DUS2: variants seen among roughly 807,000 people sequenced by gnomAD.
DUS2 encodes the protein dihydrouridine synthase 2, also known as tRNA-dihydrouridine(20) synthase [NAD(P)+]-like.
Under a neutral mutation model 71.3 loss-of-function variants are expected in DUS2, and 52 were observed. The observed-to-expected ratio is 0.73, with a 90% CI of 0.58 to 0.92. DUS2 has a LOEUF of 0.92. Among genes scored for constraint, DUS2 ranks in the 40% least tolerant of loss-of-function variants. The pLI is 0.00. For missense variants in DUS2, 558 were observed against 622.6 expected, an observed-to-expected ratio of 0.90 and a Z score of 1.10; for synonymous variants, 204 against 227.8, an observed-to-expected ratio of 0.90 and a Z score of 0.94.
chr16:68,028,449 C>T (rs1336717880), intron 2 of DUS2, among the ~76,000 whole-genome samples: 2 of 151,986 alleles, frequency 1.3e-5, no homozygotes, highest in Non-Finnish European at 2.9e-5. Flanking sequence ...GTCTGGCCAA[C>T]ATGGTGAAAC....
chr16:68,039,001 C>G (rs1019007701), intron 3 of DUS2, among the ~76,000 whole-genome samples: 1 of 151,748 alleles, frequency 6.6e-6, no homozygotes, highest in African/African-American at 2.4e-5. Context: ...GAGTTCGAGA[C>G]CAGCCTGGGC....
intron 2 of DUS2, among the ~76,000 whole-genome samples, chr16:68,031,497 C>T (rs573860460): frequency 1.3e-5 from 2 of 152,218 alleles, no homozygotes; most frequent in East Asian, 3.9e-4. Context: ...ATATAAATCT[C>T]TCCCTTTCTG....
chr16:68,040,950 G>A (rs536704771), intron 3 of DUS2, among the ~76,000 whole-genome samples: 6 of 152,228 alleles, frequency 3.9e-5, no homozygotes, highest in African/African-American at 1.4e-4. Flanking sequence ...CCACAAAGTC[G>A]CCGAGCGTGG....
rs141402653 is a variant in DUS2 at position 68,078,744 on chromosome 16, C to T, written c.1245-5C>T. The T allele has an allele frequency of 1.4e-3, 2,288 of 1,603,394 alleles. 33 individuals are homozygous for T. The African/African-American group carries it at 0.025, about 18-fold the overall frequency. On this transcript the variant is annotated splice_polypyrimidine_tract_variant and splice_region_variant and intron_variant, in intron 16 of 16. Coordinates refer to ENST00000565263, the MANE Select transcript of DUS2 (RefSeq NM_017803.5). ...CCCTCACCTTATTGCCCTCTGTCTGCTCAGGGACAAGTCCAAGAAACTGGC... is the reference window on the plus strand; with the variant it reads ...CCCTCACCTTATTGCCCTCTGTCTGTTCAGGGACAAGTCCAAGAAACTGGC...
Position 68,045,810 on chromosome 16 carries a change from G to A in DUS2, c.127-3695G>A, listed in dbSNP as rs994646889. On this transcript the variant is annotated intron_variant, in intron 3 of 16. Transcript: ENST00000565263. Reference sequence around the variant, plus strand: ...TGACATGATCTTGGCTCACTGCAACGTCTGCCTCCCATGTTCAAGTGATTC... The same window carrying A: ...TGACATGATCTTGGCTCACTGCAACATCTGCCTCCCATGTTCAAGTGATTC... 3.3e-5 allele frequency among the ~76,000 whole-genome samples: 5 copies of A among 150,428 alleles called. 1 individual carries two copies. The South Asian group carries it at 6.3e-4, about 19-fold the overall frequency.
intron 3 of DUS2, among the ~76,000 whole-genome samples, chr16:68,040,483 T>G (rs2033606875): frequency 6.6e-6 from 1 of 152,220 alleles, no homozygotes; most frequent in Admixed American, 6.5e-5. Flanking sequence ...GTTTTCCTAG[T>G]AAATGTGCCC....
intron 3 of DUS2, among the ~76,000 whole-genome samples, chr16:68,045,915 A>G (rs776342875): frequency 6.6e-6 from 1 of 151,958 alleles, no homozygotes; most frequent in Non-Finnish European, 1.5e-5. Flanking sequence ...ACGGGGTTTC[A>G]CCATGTTAAT....
rs1345176194 is a variant in DUS2, at chr16:68,075,509, G to A, written c.1082+5G>A. The A allele has an allele frequency of 1.2e-6, 2 of 1,609,748 alleles. No homozygotes were observed. The highest frequency in any genetic ancestry group is 1.7e-5 in the Admixed American group (1 of 59,600). On this transcript the variant is annotated splice_donor_5th_base_variant and intron_variant, in intron 14 of 16. Coordinates refer to ENST00000565263, the MANE Select transcript of DUS2 (RefSeq NM_017803.5). ...GATGGCTGTCAAGTTTGACCGGTAG[G>A]TCTCCAGCTTGGCCTCAGCTTGGGC...
chr16:68,035,012 A>C (rs113992080), intron 2 of DUS2, among the ~76,000 whole-genome samples: 11 of 152,048 alleles, frequency 7.2e-5, no homozygotes, highest in Admixed American at 3.3e-4. Context: ...TAAAAAAAAA[A>C]CAAAAACATA....
At chr16:68,023,375 G>A (rs1377697392) in intron 1 of DUS2, 24 bp downstream of exon 1, 4 of 803,126 alleles carry the variant, frequency 5.0e-6, no homozygotes, top group African/African-American at 1.8e-5. Context: ...AATAGGGGAT[G>A]GCGACATCCA....
At chr16:68,062,273 A>G (rs961964120) in intron 8 of DUS2, among the ~76,000 whole-genome samples, 11 of 151,942 alleles carry the variant, frequency 7.2e-5, no homozygotes, top group Admixed American at 2.0e-4. Context: ...GGCCTCCCAA[A>G]GTGCTGGGAT....
Position 68,056,361 on chromosome 16 carries a change from C to T in DUS2, c.309-3C>T. The T allele has an allele frequency of 6.2e-7, 1 of 1,612,716 alleles. No homozygotes were observed. The highest frequency in any genetic ancestry group is 2.2e-5 in the East Asian group (1 of 44,844). ...TTACCTTTACTCCTTCATCCTTTTC[C>T]AGAGAAAATGATGTGGCTGGTATTG... On this transcript the variant is annotated splice_polypyrimidine_tract_variant and splice_region_variant and intron_variant, in intron 6 of 16. Coordinates refer to ENST00000565263, the MANE Select transcript of DUS2 (RefSeq NM_017803.5).
Position 68,074,137 on chromosome 16 carries a change from A to C in DUS2, c.914A>C (p.Gln305Pro), listed in dbSNP as rs748746168. 6.2e-7 allele frequency: 1 copy of C among 1,614,058 alleles called. No homozygotes were observed. The highest frequency in any genetic ancestry group is 1.1e-5 in the South Asian group (1 of 91,092). Residue 305 changes from glutamine to proline, a missense_variant, in exon 13 of 17, where the codon CAG becomes CCG. Physicochemically the swap from Gln to Pro is moderately conservative, Grantham distance 76 (BLOSUM62 -1). Transcript: ENST00000565263. ...SPQGRLLHAA[Q>P]SSREICEAFG... ...CAGGGAAGGTTGCTCCATGCTGCCCAGTCTTCCCGGGAAATTTGGTAAGAG... is the reference window on the plus strand; with the variant it reads ...CAGGGAAGGTTGCTCCATGCTGCCCCGTCTTCCCGGGAAATTTGGTAAGAG...
intron 13 of DUS2, 117 bp from the exon 14 acceptor site, chr16:68,075,238 T>G: frequency 1.1e-5 from 10 of 917,168 alleles, no homozygotes; most frequent in Non-Finnish European, 1.4e-5. Flanking sequence ...CAGGCCCCGG[T>G]GGTGTTTTGG....
Position 68,066,589 on chromosome 16 carries a change from G to A in DUS2, c.507G>A (p.Val169=). ...LPSLEDTLSL[V]KRIERTGIAA... Reference sequence around the variant, plus strand: ...AGCTAGAAGATACCCTGAGCCTTGTGAAGCGGATAGAGAGGACTGGCATTG... The same window carrying A: ...AGCTAGAAGATACCCTGAGCCTTGTAAAGCGGATAGAGAGGACTGGCATTG... The change falls in exon 10 of 17, where the codon GTG becomes GTA. Residue 169 remains valine, a synonymous_variant. Transcript: ENST00000565263. 6.2e-7 allele frequency: 1 copy of A among 1,614,244 alleles called. No homozygotes were observed. The highest frequency in any genetic ancestry group is 8.5e-7 in the Non-Finnish European group (1 of 1,180,030).
At chr16:68,033,494 A>T (rs1020049517) in intron 2 of DUS2, among the ~76,000 whole-genome samples, 33 of 151,528 alleles carry the variant, frequency 2.2e-4, no homozygotes, top group African/African-American at 2.9e-4. Context: ...TTAAAAAAAA[A>T]TTTTTTTTGA....
At chr16:68,049,361 AG>A in intron 3 of DUS2, 143 bp from the exon 4 acceptor site, 1 of 725,006 alleles carries the variant, frequency 1.4e-6, no homozygotes, top group Admixed American at 2.2e-5. Context: ...TGGGGAGAAT[AG>A]CACTACATGT....
rs80217515 is a variant in DUS2, at chr16:68,071,566, G to A, written c.810+458G>A. On this transcript the variant is annotated intron_variant, in intron 12 of 16. Coordinates refer to ENST00000565263, the MANE Select transcript of DUS2 (RefSeq NM_017803.5). ...TCTCACCTGATTTGACTCATCAGTCGAAATAATTTCTAAAACTTTTCTCTT... is the reference window on the plus strand; with the variant it reads ...TCTCACCTGATTTGACTCATCAGTCAAAATAATTTCTAAAACTTTTCTCTT... Among the ~76,000 whole-genome samples the A allele has an allele frequency of 5.6e-3, 855 of 151,954 alleles. 9 individuals carry two copies. The highest frequency in any genetic ancestry group is 0.019 in the African/African-American group (788 of 41,430).
At chr16:68,043,928 G>C (rs1230895589) in intron 3 of DUS2, among the ~76,000 whole-genome samples, 1 of 152,222 alleles carries the variant, frequency 6.6e-6, no homozygotes, top group African/African-American at 2.4e-5. Flanking sequence ...GCCTCCCAAA[G>C]TGCTGGGATT....
Sources: gnomAD v4.1 joint callset for allele counts (sites outside exome capture counted in the v4.1 genomes callset) on GRCh38, gnomAD v4.1.1 for gene constraint, MANE v1.5 for transcripts, NCBI Gene and HGNC (gene_info 2026-07-23, HGNC 2026-07-21) for gene names.